The following CREBRF variants were observed in gnomAD, a reference collection of about 807,000 sequenced individuals.
CREBRF encodes the protein UPF0474 protein C5orf41.
Under a neutral mutation model 66.1 loss-of-function variants are expected in CREBRF, and 5 were observed. The observed-to-expected ratio is 0.08, with a 90% confidence interval of 0.04 to 0.16. The LOEUF is 0.16. Ranked by LOEUF, CREBRF falls within the 10% of genes least tolerant of loss-of-function variation. The pLI, the probability that CREBRF is intolerant of heterozygous loss-of-function variation, is 1.00. For synonymous variants in CREBRF, 229 were observed against 264.4 expected, an observed-to-expected ratio of 0.87 and a Z score of 1.30; for missense variants, 531 against 744.9, an observed-to-expected ratio of 0.71 and a Z score of 3.34.
chr5:173,090,903 A>C lies in CREBRF; in HGVS notation c.724A>C (p.Ile242Leu), dbSNP rs1350666932. ...KDYVKKAKVK[I>L]NPVQQSRPLL... ...CTATGTAAAAAAGGCAAAGGTAAAGATCAACCCAGTGCAACAGAGCCGGCC... is the reference window on the plus strand; with the variant it reads ...CTATGTAAAAAAGGCAAAGGTAAAGCTCAACCCAGTGCAACAGAGCCGGCC... The change falls in exon 4 of 9, where the codon ATC becomes CTC. Residue 242 changes from isoleucine (I) to leucine (L), a missense_variant. This residue lies in a region of CREBRF where 309 missense variants were observed against 341.4 expected (regional missense o/e 0.90). Transcript: ENST00000296953. The surrounding 1 kb of genome is among the most constrained non-coding windows in gnomAD (Gnocchi z 4.5). The C allele has an allele frequency of 6.2e-7, 1 of 1,614,092 alleles. No individual in the cohort carries two copies. Among genetic ancestry groups the C allele is most frequent in the African/African-American group, 1.3e-5 (1 of 74,936 alleles).
At chr5:173,117,815 A>T (rs1004646970) in intron 7 of CREBRF, among the ~76,000 whole-genome samples, 3 of 149,242 alleles carry the variant, frequency 2.0e-5, no homozygotes, top group African/African-American at 7.4e-5. Flanking sequence ...GGTTCAAGCG[A>T]TTCTCGTGCC....
intron 1 of CREBRF, among the ~76,000 whole-genome samples, chr5:173,062,540 C>T (rs2113656779): frequency 6.6e-6 from 1 of 151,642 alleles, no homozygotes; most frequent in East Asian, 1.9e-4. Flanking sequence ...CTCTTTAGTT[C>T]CTTTGTTAAT....
chr5:173,125,863 C>CA (rs1241300212), intron 8 of CREBRF, among the ~76,000 whole-genome samples: 1 of 152,070 alleles, frequency 6.6e-6, no homozygotes, highest in South Asian at 2.1e-4. Flanking sequence ...GACTCCTTTT[C>CA]AAAAAAACAA....
Position 173,110,637 on chromosome 5 carries a change from C to T in CREBRF, c.1533C>T (p.Asp511=). 1 of 1,614,038 alleles carries T rather than the reference C, an allele frequency of 6.2e-7. No homozygotes were observed. The highest frequency in any genetic ancestry group is 8.5e-7 in the Non-Finnish European group (1 of 1,179,980). The change falls in exon 6 of 9, where the codon GAC becomes GAT. Residue 511 remains aspartate (D), a synonymous_variant. Transcript: ENST00000296953. ...ELRKLNKVIS[D]LTPVSELPLT... Reference sequence around the variant, plus strand: ...GGAAACTGAATAAGGTGATTAGTGACCTGACTCCAGTCAGTGAGCTTCCCT... The same window carrying T: ...GGAAACTGAATAAGGTGATTAGTGATCTGACTCCAGTCAGTGAGCTTCCCT...
chr5:173,059,011 C>A, intron 1 of CREBRF, among the ~76,000 whole-genome samples: 1 of 151,308 alleles, frequency 6.6e-6, no homozygotes, highest in Non-Finnish European at 1.5e-5. Context: ...GCTGGTCAGG[C>A]TGGTCTCGAA....
chr5:173,108,828 G>C lies in CREBRF; in HGVS notation c.1417+10G>C. On this transcript the variant is annotated intron_variant, in intron 5 of 8. Transcript: ENST00000296953. ...AATGGCTTACATCATGGTAAGAGGG[G>C]ATTGCAGTCAGATATTTAGTGTCAC... 1 of 1,606,554 alleles carries C rather than the reference G, an allele frequency of 6.2e-7. No homozygotes were observed. Among genetic ancestry groups the C allele is most frequent in the South Asian group, 1.1e-5 (1 of 89,994 alleles).
chr5:173,114,974 C>T (rs956636202), intron 7 of CREBRF, among the ~76,000 whole-genome samples: 8 of 152,178 alleles, frequency 5.3e-5, no homozygotes, highest in East Asian at 1.9e-4. Flanking sequence ...CAGAGGTTTG[C>T]GGTAGCATGA....
intron 8 of CREBRF, among the ~76,000 whole-genome samples, chr5:173,129,049 G>T (rs1423167919): frequency 2.7e-5 from 4 of 147,234 alleles, no homozygotes; most frequent in African/African-American, 5.0e-5. Flanking sequence ...CATAGTGCTG[G>T]GATTACAGGC....
chr5:173,058,717 C>T (rs890734707), intron 1 of CREBRF, among the ~76,000 whole-genome samples: 26 of 148,512 alleles, frequency 1.8e-4, no homozygotes, highest in Non-Finnish European at 1.0e-4. Flanking sequence ...GATCTCCTGA[C>T]TTCGTGATCC....
rs567108326 is a variant in CREBRF, at chr5:173,068,793, G to T, written c.-191-11792G>T. ...CAATTTAGGATTTTGAGTGGGCCAG[G>T]CGCGGTGGCTCACGCCTGTAATCCC... On this transcript the variant is annotated intron_variant, in intron 1 of 8. Coordinates refer to ENST00000296953, the MANE Select transcript of CREBRF (RefSeq NM_153607.3). Among the ~76,000 whole-genome samples the T allele has an allele frequency of 1.7e-4, 26 of 152,214 alleles. 1 individual carries two copies. In the South Asian group the frequency reaches 5.2e-3, roughly 30 times the overall value.
At chr5:173,069,470 C>T (rs768632314) in intron 1 of CREBRF, among the ~76,000 whole-genome samples, 31 of 152,026 alleles carry the variant, frequency 2.0e-4, no homozygotes, top group East Asian at 9.7e-4. Flanking sequence ...ATTACATGTG[C>T]GCCACCACAC....
At chr5:173,131,208 A>G (rs1411203951) in intron 8 of CREBRF, among the ~76,000 whole-genome samples, 1 of 152,194 alleles carries the variant, frequency 6.6e-6, no homozygotes. Context: ...TTGGACAGGG[A>G]ATATTTGAAA....
intron 2 of CREBRF, among the ~76,000 whole-genome samples, chr5:173,084,610 T>C (rs1758075005): frequency 6.8e-6 from 1 of 147,476 alleles, no homozygotes; most frequent in African/African-American, 2.5e-5. Context: ...GCATTTGTCA[T>C]TATTGCAAAA....
Position 173,132,844 on chromosome 5 carries a change from C to T in CREBRF, c.1805-786C>T, listed in dbSNP as rs183902411. On this transcript the variant is annotated intron_variant, in intron 8 of 8. Transcript: ENST00000296953. ...GAACTTCCGACCTCAGGTGATCTGCCGACCTCAGGTGATCCGCCAACCTCA... is the reference window on the plus strand; with the variant it reads ...GAACTTCCGACCTCAGGTGATCTGCTGACCTCAGGTGATCCGCCAACCTCA... Among the ~76,000 whole-genome samples, 868 of 150,350 alleles carry T rather than the reference C, an allele frequency of 5.8e-3. 5 individuals carry two copies. The highest frequency in any genetic ancestry group is 8.2e-3 in the Non-Finnish European group (556 of 67,580).
intron 1 of CREBRF, among the ~76,000 whole-genome samples, chr5:173,074,288 T>G: frequency 7.5e-6 from 1 of 133,500 alleles, no homozygotes; most frequent in Non-Finnish European, 1.6e-5. Context: ...GCAACAAGAG[T>G]GAAAGTCTGT....
chr5:173,085,236 C>A, intron 2 of CREBRF: 1 of 428,262 alleles, frequency 2.3e-6, no homozygotes, highest in East Asian at 4.2e-5. Context: ...AGTCACTGCC[C>A]CCAGCCTGAA....
At chr5:173,082,264 T>C (rs974054683) in intron 2 of CREBRF, among the ~76,000 whole-genome samples, 4 of 151,824 alleles carry the variant, frequency 2.6e-5, no homozygotes, top group South Asian at 4.1e-4. Context: ...CCACCCGCCT[T>C]GGCCTCCCAA....
chr5:173,076,540 C>G (rs915950156), intron 1 of CREBRF, among the ~76,000 whole-genome samples: 8 of 152,018 alleles, frequency 5.3e-5, no homozygotes, highest in African/African-American at 1.9e-4. Flanking sequence ...CACCTGAGGT[C>G]AGGAGTTTGA....
chr5:173,085,967 GA>G, intron 2 of CREBRF: 3 of 1,496,316 alleles, frequency 2.0e-6, no homozygotes, highest in Non-Finnish European at 2.8e-6. Context: ...AGAGACCACT[GA>G]AAAACAGACT....
Sources: gnomAD v4.1 joint callset for allele counts (sites outside exome capture counted in the v4.1 genomes callset) on GRCh38, gnomAD v4.1.1 for gene constraint, gnomAD v4.1.1 regional missense constraint, Gnocchi (gnomAD v3.1) non-coding constraint, MANE v1.5 for transcripts, NCBI Gene and HGNC (gene_info 2026-07-23, HGNC 2026-07-21) for gene names.